Variants in LRRC7 observed in about 807,000 individuals in gnomAD.
LRRC7 encodes the protein leucine-rich repeat-containing protein 7.
A neutral mutation model predicts 175.7 loss-of-function variants in LRRC7; 23 were observed. The ratio of observed to expected loss-of-function variants is 0.13; its 90% CI spans 0.09 to 0.19. The LOEUF is 0.19. Ranked by LOEUF, LRRC7 falls within the 10% of genes least tolerant of loss-of-function variation. The pLI, the probability that LRRC7 is intolerant of heterozygous loss-of-function variation, is 1.00. For missense variants in LRRC7, 1,354 were observed against 1,904.7 expected, an observed-to-expected ratio of 0.71 and a Z score of 5.38; for synonymous variants, 685 against 680.9, an observed-to-expected ratio of 1.01 and a Z score of -0.09.
At chr1:69,795,923 T>A (rs28631265) in intron 4 of LRRC7, among the ~76,000 whole-genome samples, 2 of 151,346 alleles carry the variant, frequency 1.3e-5, no homozygotes, top group Non-Finnish European at 2.9e-5. Flanking sequence ...TTTTTTTTTG[T>A]TTTTTTCTTA....
At chr1:69,901,463 G>GA (rs397814245) in intron 7 of LRRC7, among the ~76,000 whole-genome samples, 10 of 151,760 alleles carry the variant, frequency 6.6e-5, no homozygotes, top group Admixed American at 6.6e-5. Context: ...TTCTTATGGG[G>GA]AAGTGGGCTT....
At chr1:69,678,329 C>A in intron 1 of LRRC7, 52 bp from the exon 2 acceptor site, 1 of 1,285,914 alleles carries the variant, frequency 7.8e-7, no homozygotes, top group Non-Finnish European at 1.1e-6. Context: ...AACTTGTAAA[C>A]ATTTATCCAA....
intron 14 of LRRC7, among the ~76,000 whole-genome samples, chr1:70,017,931 A>G (rs1359933730): frequency 6.6e-6 from 1 of 152,150 alleles, no homozygotes. Context: ...GGGAGAATGA[A>G]CAGAGCAGTG....
At chr1:70,028,445 T>C in intron 18 of LRRC7, 74 bp downstream of exon 18, 1 of 1,280,866 alleles carries the variant, frequency 7.8e-7, no homozygotes. Flanking sequence ...TTTAACTGAA[T>C]AGATCTTCCT....
chr1:69,918,770 G>A (rs1646794478), intron 7 of LRRC7, among the ~76,000 whole-genome samples: 2 of 151,940 alleles, frequency 1.3e-5, no homozygotes, highest in South Asian at 2.1e-4. Flanking sequence ...AAAAACTGAT[G>A]GAAACTACGG....
intron 1 of LRRC7, among the ~76,000 whole-genome samples, chr1:69,622,823 A>AAAAACTCAAGTTACTTGGCAAATG (rs1015184741): frequency 2.4e-4 from 36 of 152,296 alleles, no homozygotes; most frequent in African/African-American, 7.5e-4. Flanking sequence ...TTTGGCAAGT[A>AAAAACTCAAGTTACTTGGCAAATG]AAAACTCAAG....
chr1:70,033,520 C>A (rs1449820529), intron 18 of LRRC7, among the ~76,000 whole-genome samples: 1 of 152,112 alleles, frequency 6.6e-6, no homozygotes, highest in Non-Finnish European at 1.5e-5. Flanking sequence ...AGTGCAAATT[C>A]ATCATTCTTG....
intron 11 of LRRC7, among the ~76,000 whole-genome samples, chr1:69,995,515 C>T (rs1212033267): frequency 6.6e-6 from 1 of 151,800 alleles, no homozygotes; most frequent in Non-Finnish European, 1.5e-5. Flanking sequence ...AACTCCTCAT[C>T]TAGCATTAGG....
chr1:69,635,378 T>G (rs1420521055), intron 1 of LRRC7, among the ~76,000 whole-genome samples: 1 of 152,086 alleles, frequency 6.6e-6, no homozygotes, highest in East Asian at 1.9e-4. Context: ...AACTGCTTTT[T>G]AACAATGTTT....
intron 1 of LRRC7, among the ~76,000 whole-genome samples, chr1:69,586,550 C>G (rs1234393870): frequency 6.6e-6 from 1 of 152,042 alleles, no homozygotes; most frequent in African/African-American, 2.4e-5. Flanking sequence ...GAGGGCCTCT[C>G]TGTTTTTCTG....
chr1:69,847,232 C>T (rs1682467552), intron 7 of LRRC7, among the ~76,000 whole-genome samples: 1 of 151,876 alleles, frequency 6.6e-6, no homozygotes, highest in Non-Finnish European at 1.5e-5. Flanking sequence ...TTTGTTATAT[C>T]CTTTATGGTT....
At chr1:69,712,513 G>C (rs952995082) in intron 2 of LRRC7, among the ~76,000 whole-genome samples, 1 of 152,046 alleles carries the variant, frequency 6.6e-6, no homozygotes, top group Non-Finnish European at 1.5e-5. Context: ...CAGAGGCAGG[G>C]AGAATTGCTT....
At chr1:69,661,617 G>C (rs886139149) in intron 1 of LRRC7, among the ~76,000 whole-genome samples, 4 of 152,098 alleles carry the variant, frequency 2.6e-5, no homozygotes, top group African/African-American at 9.7e-5. Flanking sequence ...AAAAGCCCCA[G>C]ATCTAGTGAC....
intron 7 of LRRC7, among the ~76,000 whole-genome samples, chr1:69,839,745 T>G (rs1004748425): frequency 3.9e-5 from 6 of 152,078 alleles, no homozygotes; most frequent in Admixed American, 1.3e-4. Flanking sequence ...TGGCTTTCAT[T>G]TGAAGTACAA....
rs138559148 is a variant in LRRC7 at position 69,701,753 on chromosome 1, G to A, written c.100+23275G>A. On this transcript the variant is annotated intron_variant, in intron 2 of 26. Transcript: ENST00000651989. ...TCTAGCCTCTTTGGAAGATTCTCTG[G>A]TTTTATTAAATTATAGAAAACTTAA... Among the ~76,000 whole-genome samples, 291 of 152,198 alleles carry A rather than the reference G, an allele frequency of 1.9e-3. 1 individual carries two copies. Among genetic ancestry groups the A allele is most frequent in the African/African-American group, 6.7e-3 (280 of 41,552 alleles).
At chr1:69,737,598 A>G in intron 2 of LRRC7, among the ~76,000 whole-genome samples, 1 of 152,080 alleles carries the variant, frequency 6.6e-6, no homozygotes, top group Non-Finnish European at 1.5e-5. Context: ...GACATCAGGT[A>G]GACATATAAA....
chr1:69,919,567 C>A, intron 7 of LRRC7: 1 of 799,874 alleles, frequency 1.3e-6, no homozygotes, highest in Non-Finnish European at 2.1e-6. Flanking sequence ...GGCCCTCGAC[C>A]TGGCGGCAGG....
At chr1:69,909,084 G>A (rs1646427591) in intron 7 of LRRC7, among the ~76,000 whole-genome samples, 1 of 151,606 alleles carries the variant, frequency 6.6e-6, no homozygotes, top group Non-Finnish European at 1.5e-5. Flanking sequence ...CAGAGACTAG[G>A]ATTGCAACCC....
At chr1:69,858,055 C>T (rs1204578709) in intron 7 of LRRC7, among the ~76,000 whole-genome samples, 4 of 152,100 alleles carry the variant, frequency 2.6e-5, no homozygotes, top group Non-Finnish European at 5.9e-5. Context: ...ACTGGCTAGC[C>T]ATATGTAGAA....
Sources: allele counts gnomAD v4.1 joint callset (sites outside exome capture counted in the v4.1 genomes callset), GRCh38; gene constraint gnomAD v4.1.1; transcripts MANE v1.5; gene names NCBI Gene and HGNC (gene_info 2026-07-23, HGNC 2026-07-21).